Variants in GRM5 observed in about 807,000 individuals in gnomAD.
GRM5 encodes metabotropic glutamate receptor 5.
In GRM5, 19 loss-of-function variants were observed where a neutral mutation model predicts 83.1. The ratio of observed to expected loss-of-function variants is 0.23; its 90% CI spans 0.16 to 0.34. The LOEUF is 0.34. GRM5 is among the 10% of genes least tolerant of loss of function. GRM5 has a pLI of 1.00. For synonymous variants in GRM5, 675 were observed against 633.6 expected, an observed-to-expected ratio of 1.07 and a Z score of -0.98; for missense variants, 1,160 against 1,588.3, an observed-to-expected ratio of 0.73 and a Z score of 4.58.
chr11:89,062,962 G>A (rs1448670305), intron 1 of GRM5, among the ~76,000 whole-genome samples: 3 of 152,282 alleles, frequency 2.0e-5, no homozygotes, highest in Admixed American at 1.3e-4. Context: ...GAAAGAGCGG[G>A]AGGGCTCAGG....
At chr11:88,840,492 T>C (rs1166624568) in intron 3 of GRM5, among the ~76,000 whole-genome samples, 4 of 152,146 alleles carry the variant, frequency 2.6e-5, no homozygotes, top group Non-Finnish European at 5.9e-5. Flanking sequence ...TTTTTTCCCA[T>C]ACCCATGATC....
At chr11:88,784,873 T>A (rs374548098) in intron 3 of GRM5, among the ~76,000 whole-genome samples, 109 of 152,196 alleles carry the variant, frequency 7.2e-4, no homozygotes, top group Middle Eastern at 3.4e-3. Flanking sequence ...AACTGTTCTA[T>A]CCATCACATA....
At chr11:88,860,907 A>G (rs1016691295) in intron 2 of GRM5, among the ~76,000 whole-genome samples, 6 of 152,190 alleles carry the variant, frequency 3.9e-5, no homozygotes, top group East Asian at 1.9e-4. Flanking sequence ...TGTCCAGTTA[A>G]TAGCCACTTG....
At chr11:88,806,189 C>A (rs1228232404) in intron 3 of GRM5, among the ~76,000 whole-genome samples, 1 of 152,166 alleles carries the variant, frequency 6.6e-6, no homozygotes, top group African/African-American at 2.4e-5. Context: ...ATTAAACATA[C>A]ACAAGCCAAG....
At chr11:88,918,399 T>C (rs1045911764) in intron 2 of GRM5, among the ~76,000 whole-genome samples, 2 of 151,882 alleles carry the variant, frequency 1.3e-5, no homozygotes, top group African/African-American at 4.8e-5. Context: ...ACCTGCACAT[T>C]GTGCACATGT....
intron 3 of GRM5, among the ~76,000 whole-genome samples, chr11:88,660,045 C>A (rs1219164273): frequency 1.3e-5 from 2 of 152,106 alleles, no homozygotes; most frequent in Non-Finnish European, 2.9e-5. Context: ...ATTTGAATGC[C>A]TCCTCTGTGC....
intron 6 of GRM5, among the ~76,000 whole-genome samples, chr11:88,595,278 T>G (rs1937766204): frequency 6.6e-6 from 1 of 152,194 alleles, no homozygotes; most frequent in Non-Finnish European, 1.5e-5. Flanking sequence ...TCCTTCTAGC[T>G]ATTTGAAACT....
chr11:88,766,306 A>G (rs1942623419), intron 3 of GRM5, among the ~76,000 whole-genome samples: 2 of 152,036 alleles, frequency 1.3e-5, no homozygotes, highest in African/African-American at 4.8e-5. Context: ...ACTTCAAACT[A>G]TACTACGGGG....
At chr11:88,781,326 G>A (rs896984313) in intron 3 of GRM5, among the ~76,000 whole-genome samples, 1 of 152,028 alleles carries the variant, frequency 6.6e-6, no homozygotes, top group Non-Finnish European at 1.5e-5. Context: ...TATGCTCTGA[G>A]AATCAGCAGC....
intron 3 of GRM5, among the ~76,000 whole-genome samples, chr11:88,706,455 C>G: frequency 6.6e-6 from 1 of 152,056 alleles, no homozygotes; most frequent in East Asian, 1.9e-4. Context: ...GCAAATATAT[C>G]TTTTATCTCT....
chr11:88,752,463 A>C (rs1942299323), intron 3 of GRM5, among the ~76,000 whole-genome samples: 1 of 152,236 alleles, frequency 6.6e-6, no homozygotes. Context: ...GGACACAAAC[A>C]AATGGAGAAA....
rs557159922 is a variant in GRM5, at chr11:89,065,925, G to A, written c.-350C>T. On this transcript the variant is annotated 5_prime_UTR_variant, in exon 1 of 10. Transcript: ENST00000305447. ...GCAGAACGGCTGCGGGGCCCGCGGCGGTGGCGCTCGCTCTCTCGCGCCAGC... is the reference window on the plus strand; with the variant it reads ...GCAGAACGGCTGCGGGGCCCGCGGCAGTGGCGCTCGCTCTCTCGCGCCAGC... 1.3e-5 allele frequency: 2 copies of A among 152,152 alleles called. No individual in the cohort carries two copies. The highest frequency in any genetic ancestry group is 6.5e-5 in the Admixed American group (1 of 15,292). The allele number at this position is 152,152 out of a possible 1,614,324, so 9.4% of individuals were successfully genotyped here. A position where few individuals can be genotyped will look rare whatever the true frequency, so the allele number is the denominator to read the frequency against.
chr11:89,024,177 G>A (rs1214474236), intron 2 of GRM5, among the ~76,000 whole-genome samples: 2 of 152,062 alleles, frequency 1.3e-5, no homozygotes, highest in Non-Finnish European at 2.9e-5. Context: ...TATCTCCACG[G>A]CACTCCAGCT....
At chr11:89,058,928 A>G (rs973165520) in intron 1 of GRM5, among the ~76,000 whole-genome samples, 2 of 152,178 alleles carry the variant, frequency 1.3e-5, no homozygotes, top group African/African-American at 4.8e-5. Flanking sequence ...TTATTTTTAA[A>G]CAAATGATAT....
intron 8 of GRM5, among the ~76,000 whole-genome samples, chr11:88,531,687 A>G (rs148916181): frequency 3.0e-4 from 45 of 152,270 alleles, no homozygotes; most frequent in African/African-American, 9.4e-4. Context: ...TCAAGAATGG[A>G]GGGGAAAAAA....
chr11:88,801,918 C>G (rs946608601), intron 3 of GRM5, among the ~76,000 whole-genome samples: 2 of 151,958 alleles, frequency 1.3e-5, no homozygotes, highest in African/African-American at 2.4e-5. Context: ...AGAGGTTAAC[C>G]CTTTTCTGGT....
intron 8 of GRM5, among the ~76,000 whole-genome samples, chr11:88,564,210 A>G (rs1251786552): frequency 2.0e-5 from 3 of 152,210 alleles, no homozygotes; most frequent in African/African-American, 7.2e-5. Flanking sequence ...TTGCAGAAAG[A>G]AGACCAAACA....
chr11:88,915,020 T>G (rs1244210181), intron 2 of GRM5, among the ~76,000 whole-genome samples: 1 of 152,106 alleles, frequency 6.6e-6, no homozygotes, highest in African/African-American at 2.4e-5. Flanking sequence ...TTTTTAATGG[T>G]TTTGTTAGTA....
intron 3 of GRM5, among the ~76,000 whole-genome samples, chr11:88,670,201 A>G (rs1321533670): frequency 6.6e-6 from 1 of 152,030 alleles, no homozygotes; most frequent in Non-Finnish European, 1.5e-5. Flanking sequence ...TTTATGAAAA[A>G]AGAGTCTTGA....
Sources: allele counts gnomAD v4.1 joint callset (sites outside exome capture counted in the v4.1 genomes callset), GRCh38; gene constraint gnomAD v4.1.1; transcripts MANE v1.5; gene names NCBI Gene and HGNC (gene_info 2026-07-23, HGNC 2026-07-21).